The following CTNNA3 variants were observed in gnomAD, a reference collection of about 807,000 sequenced individuals.
The protein encoded by CTNNA3 is catenin alpha 3.
A neutral mutation model predicts 95.7 loss-of-function variants in CTNNA3; 76 were observed. The observed-to-expected ratio is 0.79, with a 90% CI of 0.66 to 0.96. The LOEUF is 0.96. CTNNA3 is among the 40% of genes least tolerant of loss of function. CTNNA3 has a pLI of 0.00. For synonymous variants in CTNNA3, 431 were observed against 374.4 expected, an observed-to-expected ratio of 1.15 and a Z score of -1.74; for missense variants, 1,191 against 1,089.8, an observed-to-expected ratio of 1.09 and a Z score of -1.31.
chr10:66,648,543 T>C (rs987753910), intron 9 of CTNNA3, among the ~76,000 whole-genome samples: 1 of 152,152 alleles, frequency 6.6e-6, no homozygotes, highest in African/African-American at 2.4e-5. Flanking sequence ...GGACAAGTGA[T>C]CCTTAATTCA....
At chr10:66,349,716 T>C (rs2092552430) in intron 12 of CTNNA3, among the ~76,000 whole-genome samples, 1 of 152,118 alleles carries the variant, frequency 6.6e-6, no homozygotes. Context: ...GAGTATGACA[T>C]GTGCAGTAAC....
chr10:67,362,984 T>C (rs573356765), intron 5 of CTNNA3, among the ~76,000 whole-genome samples: 2 of 151,894 alleles, frequency 1.3e-5, no homozygotes, highest in East Asian at 3.9e-4. Context: ...GACATCCAAA[T>C]CAAGAACACA....
At position 65,915,500 on chromosome 10, in the gene CTNNA3, C is replaced by T. The variant is rs964918400; in HGVS notation, c.*4830G>A. 1 of 152,164 alleles carries T rather than the reference C, an allele frequency of 6.6e-6. No homozygotes were observed. Among genetic ancestry groups the T allele is most frequent in the African/African-American group, 2.4e-5 (1 of 41,444 alleles). The allele number at this position is 152,164 out of a possible 1,614,324, so 9.4% of individuals were successfully genotyped here. A position where few individuals can be genotyped will look rare whatever the true frequency, so the allele number is the denominator to read the frequency against. On this transcript the variant is annotated 3_prime_UTR_variant, in exon 18 of 18. Transcript: ENST00000433211. ...GTGCCTTTAGACTACTCCGTATCGT[C>T]TCCATTTTTCTCCAACTTACCAAAC...
intron 13 of CTNNA3, among the ~76,000 whole-genome samples, chr10:66,159,708 A>C (rs1276093687): frequency 2.4e-5 from 3 of 126,786 alleles, no homozygotes; most frequent in African/African-American, 6.1e-5. Context: ...ATTAGGGAGG[A>C]TTCCTTCTTT....
intron 7 of CTNNA3, among the ~76,000 whole-genome samples, chr10:66,814,710 G>A (rs1379102764): frequency 3.3e-5 from 5 of 152,080 alleles, no homozygotes; most frequent in Admixed American, 3.3e-4. Flanking sequence ...GTTGCAGTGA[G>A]CTGAGATCGC....
At chr10:66,347,208 A>G (rs1046665678) in intron 12 of CTNNA3, among the ~76,000 whole-genome samples, 3 of 152,166 alleles carry the variant, frequency 2.0e-5, no homozygotes, top group Admixed American at 2.0e-4. Context: ...ATAAGTTTCA[A>G]TACATTAAAT....
At chr10:67,087,966 G>C (rs1032066731) in intron 7 of CTNNA3, among the ~76,000 whole-genome samples, 1 of 151,924 alleles carries the variant, frequency 6.6e-6, no homozygotes, top group South Asian at 2.1e-4. Context: ...GCTCAAAAAG[G>C]TTATGGTCTA....
rs139860153 is a variant in CTNNA3, at chr10:66,516,715, G to T, written c.1531+3902C>A. On this transcript the variant is annotated intron_variant, in intron 11 of 17. Transcript: ENST00000433211. Reference sequence around the variant, plus strand: ...TCTAATTTTCTTTTGCCGGTAATTGGCTCAAGATTGAGAGAGGAACCAAGT... The same window carrying T: ...TCTAATTTTCTTTTGCCGGTAATTGTCTCAAGATTGAGAGAGGAACCAAGT... Among the ~76,000 whole-genome samples, 794 of 152,240 alleles carry T rather than the reference G, an allele frequency of 5.2e-3. 6 individuals carry two copies. Among genetic ancestry groups the T allele is most frequent in the African/African-American group, 0.018 (760 of 41,546 alleles).
intron 7 of CTNNA3, among the ~76,000 whole-genome samples, chr10:66,937,429 CATA>C (rs1847768033): frequency 6.6e-6 from 1 of 152,116 alleles, no homozygotes; most frequent in Non-Finnish European, 1.5e-5. Flanking sequence ...AAGGTTGGCA[CATA>C]ATACTTTCTC....
intron 3 of CTNNA3, among the ~76,000 whole-genome samples, chr10:67,596,405 T>C (rs1057244493): frequency 2.6e-5 from 4 of 152,196 alleles, no homozygotes; most frequent in African/African-American, 9.6e-5. Flanking sequence ...GTTCCAATGA[T>C]GGAACACTAG....
intron 11 of CTNNA3, among the ~76,000 whole-genome samples, chr10:66,494,919 A>G (rs1840049900): frequency 6.6e-6 from 1 of 152,196 alleles, no homozygotes. Context: ...AAGGCCAAAT[A>G]GTTGGTGAGA....
chr10:66,201,608 C>T (rs950264464), intron 13 of CTNNA3, among the ~76,000 whole-genome samples: 1 of 151,968 alleles, frequency 6.6e-6, no homozygotes, highest in African/African-American at 2.4e-5. Flanking sequence ...CTACTCTCTC[C>T]GTATTTCAAA....
At chr10:67,121,507 A>G (rs73258479) in intron 7 of CTNNA3, among the ~76,000 whole-genome samples, 3,022 of 152,154 alleles carry the variant, frequency 0.02, 107 homozygotes, top group African/African-American at 0.069. Flanking sequence ...TGAAACTCCT[A>G]GCCGTTAGAT....
rs182764410 is a variant in CTNNA3 at position 66,459,250 on chromosome 10, C to G, written c.1531+61367G>C. 3.2e-3 allele frequency among the ~76,000 whole-genome samples: 481 copies of G among 152,192 alleles called. 6 individuals carry two copies. The highest frequency in any genetic ancestry group is 0.011 in the African/African-American group (471 of 41,516). On this transcript the variant is annotated intron_variant, in intron 11 of 17. Transcript: ENST00000433211. Reference sequence around the variant, plus strand: ...TTAAGAACACAGTATATAATACATACAACATACAAAATCTGTGTTAAATGG... The same window carrying G: ...TTAAGAACACAGTATATAATACATAGAACATACAAAATCTGTGTTAAATGG...
At chr10:65,992,879 T>C (rs2078573422) in intron 15 of CTNNA3, among the ~76,000 whole-genome samples, 1 of 152,184 alleles carries the variant, frequency 6.6e-6, no homozygotes, top group South Asian at 2.1e-4. Flanking sequence ...AATTTATTGC[T>C]ATGAACTTCC....
At chr10:67,540,593 T>C (rs1473523537) in intron 3 of CTNNA3, among the ~76,000 whole-genome samples, 1 of 152,040 alleles carries the variant, frequency 6.6e-6, no homozygotes, top group Non-Finnish European at 1.5e-5. Context: ...ACATGTTTTA[T>C]ATACATAAAT....
At chr10:66,379,463 G>T in intron 11 of CTNNA3, 111 bp from the exon 12 acceptor site, 5 of 865,626 alleles carry the variant, frequency 5.8e-6, no homozygotes, top group Non-Finnish European at 8.9e-6. Context: ...GTGCACATTG[G>T]AAATGGAAGA....
intron 5 of CTNNA3, among the ~76,000 whole-genome samples, chr10:67,350,589 T>C (rs1277530411): frequency 6.7e-6 from 1 of 148,358 alleles, no homozygotes. Flanking sequence ...AAAAATTATG[T>C]AATAAAAAAC....
chr10:66,227,157 A>G (rs191248050), intron 13 of CTNNA3, among the ~76,000 whole-genome samples: 1 of 152,178 alleles, frequency 6.6e-6, no homozygotes, highest in East Asian at 1.9e-4. Flanking sequence ...ATGCCACTGC[A>G]CCCAGCTGCA....
Sources: gnomAD v4.1 joint callset for allele counts (sites outside exome capture counted in the v4.1 genomes callset) on GRCh38, gnomAD v4.1.1 for gene constraint, MANE v1.5 for transcripts, NCBI Gene and HGNC (gene_info 2026-07-23, HGNC 2026-07-21) for gene names.